HSDL2: variants seen among roughly 807,000 people sequenced by gnomAD.
The protein encoded by HSDL2 is hydroxysteroid dehydrogenase like 2, also known as hydroxysteroid dehydrogenase-like protein 2.
In HSDL2, 27 loss-of-function variants were observed where a neutral mutation model predicts 46.3. The ratio of observed to expected loss-of-function variants is 0.58; its 90% CI spans 0.43 to 0.80. The LOEUF (loss-of-function observed/expected upper bound fraction) is 0.80. Among genes scored for constraint, HSDL2 ranks in the 30% least tolerant of loss-of-function variants. The pLI is 0.00. For missense variants in HSDL2, 451 were observed against 502.7 expected (o/e 0.90, Z 0.98); for synonymous variants, 153 against 163.6 (o/e 0.94, Z 0.50).
At chr9:112,438,981 A>G (rs1006881306) in intron 7 of HSDL2, among the ~76,000 whole-genome samples, 1 of 152,160 alleles carries the variant, frequency 6.6e-6, no homozygotes, top group African/African-American at 2.4e-5. Flanking sequence ...GTGGTAACAG[A>G]TGGTACAGTA....
intron 1 of HSDL2, among the ~76,000 whole-genome samples, chr9:112,393,001 T>C (rs999210127): frequency 5.9e-5 from 9 of 152,218 alleles, no homozygotes; most frequent in African/African-American, 1.9e-4. Context: ...TCTCTCCCTT[T>C]CTTTTTATAT....
At chr9:112,445,339 T>G (rs929482791) in intron 8 of HSDL2, among the ~76,000 whole-genome samples, 2 of 152,160 alleles carry the variant, frequency 1.3e-5, no homozygotes, top group Non-Finnish European at 2.9e-5. Context: ...CCTTGTTAAG[T>G]TTGTCCTCTG....
At chr9:112,458,120 C>A (rs7019352) in intron 9 of HSDL2, among the ~76,000 whole-genome samples, 2,237 of 150,926 alleles carry the variant, frequency 0.015, 47 homozygotes, top group African/African-American at 0.052. Context: ...TTTTTCAGTT[C>A]CTCACACGTG....
rs201802701 is a variant in HSDL2 at position 112,432,176 on chromosome 9, C to T, written c.599-6255C>T. ...GGATTACAGGTGTGAGCCACTGTGC[C>T]GAGCCTAGGTATTTCTTTATAGTAA... On this transcript the variant is annotated intron_variant, in intron 6 of 10. Transcript: ENST00000398805. Among the ~76,000 whole-genome samples the T allele has an allele frequency of 4.6e-5, 7 of 152,214 alleles. No homozygotes were observed. The East Asian group carries it at 5.8e-4, about 13-fold the overall frequency.
chr9:112,425,929 T>C (rs1180410342), intron 6 of HSDL2, among the ~76,000 whole-genome samples: 1 of 151,568 alleles, frequency 6.6e-6, no homozygotes, highest in Non-Finnish European at 1.5e-5. Flanking sequence ...TGTGTGGAGA[T>C]GGGGTCTTGC....
At chr9:112,380,809 A>C (rs1456337823) in intron 1 of HSDL2, among the ~76,000 whole-genome samples, 4 of 151,998 alleles carry the variant, frequency 2.6e-5, no homozygotes, top group African/African-American at 9.7e-5. Flanking sequence ...TGCAAGCTGA[A>C]ACTCTATCCA....
intron 4 of HSDL2, among the ~76,000 whole-genome samples, chr9:112,416,092 C>T (rs1323951041): frequency 2.8e-5 from 4 of 143,254 alleles, no homozygotes; most frequent in Non-Finnish European, 3.0e-5. Context: ...GGCAACAGAG[C>T]CAGACTCCGT....
chr9:112,438,675 C>A (rs1373977934), intron 7 of HSDL2, 50 bp downstream of exon 7: 11 of 1,073,816 alleles, frequency 1.0e-5, no homozygotes, highest in Non-Finnish European at 1.5e-5. Context: ...TCCATATTTT[C>A]TGCAATGAAC....
intron 10 of HSDL2, among the ~76,000 whole-genome samples, chr9:112,464,630 T>C (rs1233875262): frequency 6.6e-6 from 1 of 152,274 alleles, no homozygotes; most frequent in African/African-American, 2.4e-5. Context: ...GGATTTTTTG[T>C]AGGAATATTT....
intron 6 of HSDL2, among the ~76,000 whole-genome samples, chr9:112,436,959 T>TC (rs1564123437): frequency 7.9e-6 from 1 of 126,594 alleles, no homozygotes; most frequent in African/African-American, 3.1e-5. Flanking sequence ...TTTCTTTTTT[T>TC]CTTTTTTTTT....
chr9:112,457,951 A>C (rs1833080081), intron 9 of HSDL2, among the ~76,000 whole-genome samples: 1 of 152,222 alleles, frequency 6.6e-6, no homozygotes, highest in Non-Finnish European at 1.5e-5. Context: ...TCTACACTGC[A>C]GGTAGGGCCA....
At chr9:112,396,939 C>T (rs1831470138) in intron 1 of HSDL2, among the ~76,000 whole-genome samples, 1 of 152,096 alleles carries the variant, frequency 6.6e-6, no homozygotes, top group Non-Finnish European at 1.5e-5. Context: ...TCTGAGGTGT[C>T]CCATTTCATA....
chr9:112,424,129 G>A (rs1832193522), intron 6 of HSDL2, among the ~76,000 whole-genome samples: 1 of 151,154 alleles, frequency 6.6e-6, no homozygotes, highest in African/African-American at 2.4e-5. Flanking sequence ...GACCGTCCTG[G>A]CTAACATGGT....
At chr9:112,447,612 C>T (rs1462654462) in intron 8 of HSDL2, among the ~76,000 whole-genome samples, 1 of 152,074 alleles carries the variant, frequency 6.6e-6, no homozygotes, top group Non-Finnish European at 1.5e-5. Flanking sequence ...TCATTGCTGC[C>T]CTTGCTTTAG....
chr9:112,390,752 C>T (rs182305051), intron 1 of HSDL2, among the ~76,000 whole-genome samples: 2 of 152,240 alleles, frequency 1.3e-5, no homozygotes, highest in Admixed American at 1.3e-4. Flanking sequence ...CACACCTGGC[C>T]TCAAGACCAA....
intron 10 of HSDL2, among the ~76,000 whole-genome samples, chr9:112,461,491 G>C (rs1383628265): frequency 6.6e-6 from 1 of 152,124 alleles, no homozygotes; most frequent in Non-Finnish European, 1.5e-5. Flanking sequence ...ATGAATGTTT[G>C]GTGAATCGGA....
At chr9:112,420,682 T>C (rs1283324264) in intron 6 of HSDL2, among the ~76,000 whole-genome samples, 1 of 152,088 alleles carries the variant, frequency 6.6e-6, no homozygotes, top group Non-Finnish European at 1.5e-5. Flanking sequence ...ACTAACCCAC[T>C]TCCCCTTTGT....
At chr9:112,406,689 C>T (rs974185134) in intron 3 of HSDL2, among the ~76,000 whole-genome samples, 5 of 152,104 alleles carry the variant, frequency 3.3e-5, no homozygotes, top group South Asian at 2.1e-4. Flanking sequence ...AGGCTGGTCT[C>T]GAACTCCTGA....
chr9:112,469,453 A>G (rs1268925231), intron 10 of HSDL2, among the ~76,000 whole-genome samples: 1 of 151,854 alleles, frequency 6.6e-6, no homozygotes, highest in Admixed American at 6.6e-5. Context: ...GCACTCTGGG[A>G]GGCAGGTGGA....
Sources: allele counts gnomAD v4.1 joint callset (sites outside exome capture counted in the v4.1 genomes callset), GRCh38; gene constraint gnomAD v4.1.1; transcripts MANE v1.5; gene names NCBI Gene and HGNC (gene_info 2026-07-23, HGNC 2026-07-21).